DOP1B: variants seen among roughly 807,000 people sequenced by gnomAD.
DOP1B encodes DOP1 leucine zipper like protein B, also known as protein DOP1B.
Under a neutral mutation model 233.5 loss-of-function variants are expected in DOP1B, and 174 were observed. The ratio of observed to expected loss-of-function variants is 0.75; its 90% CI spans 0.66 to 0.85. DOP1B has a LOEUF of 0.85. Ranked by LOEUF, DOP1B falls within the 40% of genes least tolerant of loss-of-function variation. DOP1B has a pLI of 0.00. For synonymous variants in DOP1B, 1,190 were observed against 1,185.6 expected (o/e 1.00, Z -0.08); for missense variants, 2,652 against 2,846.6 (o/e 0.93, Z 1.56).
chr21:36,173,712 C>T (rs548992657), intron 2 of DOP1B, among the ~76,000 whole-genome samples: 16 of 152,228 alleles, frequency 1.1e-4, no homozygotes, highest in Admixed American at 3.9e-4. Flanking sequence ...CGTGAGCCGC[C>T]GCGCCCGGCC....
chr21:36,172,888 G>C (rs1601380638), intron 2 of DOP1B, among the ~76,000 whole-genome samples: 1 of 152,218 alleles, frequency 6.6e-6, no homozygotes, highest in East Asian at 1.9e-4. Flanking sequence ...GGAGGCTGAG[G>C]CAGGTGGATA....
chr21:36,172,745 C>CA (rs796672110), intron 2 of DOP1B, among the ~76,000 whole-genome samples: 56 of 145,924 alleles, frequency 3.8e-4, no homozygotes, highest in Middle Eastern at 3.5e-3. Context: ...GACCCTGGCT[C>CA]AAAAAAAAAA....
intron 1 of DOP1B, among the ~76,000 whole-genome samples, chr21:36,158,293 T>C (rs1044543704): frequency 6.6e-6 from 1 of 152,202 alleles, no homozygotes; most frequent in Non-Finnish European, 1.5e-5. Flanking sequence ...CCAGGATAGA[T>C]TGCAAGATCA....
At chr21:36,284,159 A>G (rs1376800040) in intron 32 of DOP1B, among the ~76,000 whole-genome samples, 2 of 151,194 alleles carry the variant, frequency 1.3e-5, no homozygotes, top group East Asian at 3.9e-4. Context: ...CATGTTGACC[A>G]GGCTGATTTC....
intron 24 of DOP1B, chr21:36,262,054 A>C: frequency 2.4e-5 from 20 of 830,942 alleles, no homozygotes; most frequent in Non-Finnish European, 2.9e-5. Context: ...TTAACATTAC[A>C]TAGTTATTCC....
At chr21:36,168,905 TA>T in intron 2 of DOP1B, 1 of 477,040 alleles carries the variant, frequency 2.1e-6, no homozygotes, top group African/African-American at 2.0e-5. Context: ...TTTTTTTTTT[TA>T]ATTAATAATT....
At chr21:36,258,364 G>A (rs761347240) in intron 23 of DOP1B, among the ~76,000 whole-genome samples, 13 of 152,026 alleles carry the variant, frequency 8.6e-5, no homozygotes, top group African/African-American at 1.9e-4. Flanking sequence ...TCAAGATCAC[G>A]CCACTGCACT....
intron 12 of DOP1B, among the ~76,000 whole-genome samples, chr21:36,227,049 A>G (rs1340317545): frequency 6.8e-6 from 1 of 148,012 alleles, no homozygotes; most frequent in Non-Finnish European, 1.5e-5. Context: ...ACTAAAAAAA[A>G]TACAAAAAGT....
Position 36,240,048 on chromosome 21 carries a change from G to A in DOP1B, c.3067+93G>A, listed in dbSNP as rs139681033. On this transcript the variant is annotated intron_variant, in intron 18 of 36. Transcript: ENST00000691173. ...TAGCTGAGAGACTGAGGCCCACTAG[G>A]GGGTTTTGTTAGATGCAAATGGTAC... 2.2e-6 allele frequency: 3 copies of A among 1,394,074 alleles called. No homozygotes were observed. In the African/African-American group the frequency reaches 4.4e-5, roughly 20 times the overall value. 86.4% of individuals were successfully genotyped at this position (1,394,074 alleles called of 1,614,324 possible).
intron 2 of DOP1B, among the ~76,000 whole-genome samples, chr21:36,196,606 C>G (rs2066293240): frequency 6.6e-6 from 1 of 151,242 alleles, no homozygotes; most frequent in Non-Finnish European, 1.5e-5. Flanking sequence ...GTATCACATT[C>G]TTCATAAATG....
At position 36,263,657 on chromosome 21, in the gene DOP1B, T is replaced by A; in HGVS notation, c.5420+7T>A. Reference sequence around the variant, plus strand: ...GGTATTTTCTGCTTCTCAGGTATCATGTCACCACATTGTCATTGTGTAATA... The same window carrying A: ...GGTATTTTCTGCTTCTCAGGTATCAAGTCACCACATTGTCATTGTGTAATA... On this transcript the variant is annotated splice_region_variant and intron_variant, in intron 25 of 36. Transcript: ENST00000691173. 6.2e-7 allele frequency: 1 copy of A among 1,613,550 alleles called. No individual in the cohort carries two copies. Among genetic ancestry groups the A allele is most frequent in the South Asian group, 1.1e-5 (1 of 91,070 alleles).
At position 36,288,111 on chromosome 21, in the gene DOP1B, A is replaced by G. The variant is rs147962450; in HGVS notation, c.6258A>G (p.Gln2086=). Residue 2086 remains glutamine (Q), a synonymous_variant, in exon 33 of 37, where the codon CAA becomes CAG. Coordinates refer to ENST00000691173, the MANE Select transcript of DOP1B (RefSeq NM_001320714.2). ...TTTTGCTGCTAAGAATATCTCCTCA[A>G]CATTTGACTTCATTGTGGCCAATAA... ...FRVLLLRISP[Q]HLTSLWPIMV... The G allele has an allele frequency of 7.4e-6, 12 of 1,614,060 alleles. No individual in the cohort carries two copies. The highest frequency in any genetic ancestry group is 1.3e-5 in the African/African-American group (1 of 75,038).
chr21:36,252,703 G>A (rs1342282560), intron 22 of DOP1B, among the ~76,000 whole-genome samples: 4 of 152,072 alleles, frequency 2.6e-5, no homozygotes, highest in Admixed American at 2.0e-4. Flanking sequence ...TAGTAAAGAC[G>A]GTTTCACCAT....
chr21:36,209,740 A>G (rs547807760), intron 5 of DOP1B, among the ~76,000 whole-genome samples: 1 of 152,242 alleles, frequency 6.6e-6, no homozygotes, highest in South Asian at 2.1e-4. Context: ...TGCCCTTAGA[A>G]ATGGTAACCT....
At chr21:36,197,372 C>T (rs1389116887) in intron 2 of DOP1B, among the ~76,000 whole-genome samples, 7 of 152,072 alleles carry the variant, frequency 4.6e-5, no homozygotes, top group Non-Finnish European at 8.8e-5. Context: ...GAGGTGGGAT[C>T]GTAGTGTTTG....
At chr21:36,249,623 C>T (rs1006842214) in intron 21 of DOP1B, among the ~76,000 whole-genome samples, 4 of 150,490 alleles carry the variant, frequency 2.7e-5, no homozygotes, top group East Asian at 2.0e-4. Flanking sequence ...AAACCAAAAA[C>T]GCACAACTGT....
At chr21:36,163,786 G>C (rs564937964) in intron 1 of DOP1B, among the ~76,000 whole-genome samples, 3 of 152,214 alleles carry the variant, frequency 2.0e-5, no homozygotes, top group Non-Finnish European at 4.4e-5. Flanking sequence ...TACAGCATCC[G>C]GGGTTGGCAT....
At chr21:36,272,903 G>C (rs1422323324) in intron 27 of DOP1B, among the ~76,000 whole-genome samples, 2 of 140,568 alleles carry the variant, frequency 1.4e-5, no homozygotes, top group Non-Finnish European at 3.0e-5. Flanking sequence ...AGAATGGCTT[G>C]AACCTGGGAG....
chr21:36,239,666 G>A, intron 17 of DOP1B, 99 bp from the exon 18 acceptor site: 1 of 1,344,628 alleles, frequency 7.4e-7, no homozygotes, highest in African/African-American at 1.5e-5. Context: ...AGGTCCTAGG[G>A]TACCTGTGTT....
Sources: allele counts gnomAD v4.1 joint callset (sites outside exome capture counted in the v4.1 genomes callset), GRCh38; gene constraint gnomAD v4.1.1; transcripts MANE v1.5; gene names NCBI Gene and HGNC (gene_info 2026-07-23, HGNC 2026-07-21).